The following UBE3A variants were observed in gnomAD, a reference collection of about 807,000 sequenced individuals.
UBE3A encodes the protein ubiquitin protein ligase E3A.
In UBE3A, 6 loss-of-function variants were observed where a neutral mutation model predicts 83.4. The observed-to-expected ratio is 0.07, with a 90% CI of 0.04 to 0.14. The LOEUF (loss-of-function observed/expected upper bound fraction) is 0.14. Ranked by LOEUF, UBE3A falls within the 10% of genes least tolerant of loss-of-function variation. The pLI, the probability that UBE3A is intolerant of heterozygous loss-of-function variation, is 1.00. For synonymous variants in UBE3A, 337 were observed against 355.4 expected, an observed-to-expected ratio of 0.95 and a Z score of 0.58; for missense variants, 456 against 1,036.1, an observed-to-expected ratio of 0.44 and a Z score of 7.69.
intron 6 of UBE3A, among the ~76,000 whole-genome samples, chr15:25,369,236 A>G (rs1420978720): frequency 6.6e-6 from 1 of 152,084 alleles, no homozygotes; most frequent in Non-Finnish European, 1.5e-5. Context: ...CCAGAAAGCA[A>G]GCAATAATAA....
intron 7 of UBE3A, among the ~76,000 whole-genome samples, chr15:25,359,494 A>G (rs557950912): frequency 6.6e-6 from 1 of 150,680 alleles, no homozygotes; most frequent in Non-Finnish European, 1.5e-5. Context: ...GGTCAACTCA[A>G]TTAGAATCAA....
chr15:25,368,388 A>T (rs898082243), intron 6 of UBE3A, among the ~76,000 whole-genome samples: 6 of 151,856 alleles, frequency 4.0e-5, no homozygotes, highest in South Asian at 2.1e-4. Flanking sequence ...TTATTTTTTT[A>T]AAAAAAAGAA....
chr15:25,418,749 C>T (rs1888216786), intron 1 of UBE3A: 1 of 152,146 alleles, frequency 6.6e-6, no homozygotes, highest in Admixed American at 6.5e-5. Flanking sequence ...AGCCATTCCA[C>T]ATGCTCTTAA....
chr15:25,356,201 T>C, intron 8 of UBE3A, 145 bp from the exon 9 acceptor site: 3 of 990,132 alleles, frequency 3.0e-6, no homozygotes, highest in African/African-American at 3.2e-5. Context: ...GTCCCCCAAA[T>C]AGTTTCCAAC....
chr15:25,399,724 G>A lies in UBE3A; in HGVS notation c.62+5737C>T, dbSNP rs539486575. ...GCTAGGACTACAGATACACAGCACC[G>A]CGCCTGGCTTTAAAAATTTTTTTTT... is the stretch of plus-strand genomic sequence containing the variant. On this transcript the variant is annotated intron_variant, in intron 4 of 12. Coordinates refer to ENST00000648336, the MANE Select transcript of UBE3A (RefSeq NM_130839.5). Among the ~76,000 whole-genome samples the A allele has an allele frequency of 6.4e-4, 97 of 150,518 alleles. 1 individual carries two copies. Among genetic ancestry groups the A allele is most frequent in the Middle Eastern group, 6.8e-3 (2 of 294 alleles).
chr15:25,356,608 ACTT>A (rs1351518634), intron 8 of UBE3A, 80 bp downstream of exon 8: 1 of 1,377,100 alleles, frequency 7.3e-7, no homozygotes, highest in East Asian at 2.3e-5. Flanking sequence ...CTAAACAAAA[ACTT>A]TAAAATTTTG....
chr15:25,358,097 G>A (rs1354715567), intron 7 of UBE3A, among the ~76,000 whole-genome samples: 9 of 151,908 alleles, frequency 5.9e-5, no homozygotes, highest in Non-Finnish European at 1.3e-4. Flanking sequence ...GGGGCCCGGT[G>A]TGGTAGTTCA....
At chr15:25,381,438 G>C (rs1196275602) in intron 4 of UBE3A, among the ~76,000 whole-genome samples, 1 of 151,986 alleles carries the variant, frequency 6.6e-6, no homozygotes, top group Non-Finnish European at 1.5e-5. Context: ...AAAGAAACAT[G>C]AACTGTGAGA....
rs368608652 is a variant in UBE3A at position 25,436,758 on chromosome 15, T to C, written c.-165+1731A>G. On this transcript the variant is annotated intron_variant, in intron 1 of 12. Transcript: ENST00000648336. Reference sequence around the variant, plus strand: ...TCTTAGGAAGTTATTTTTTCAGCCATGGGAAAAAAAAGGGCAGAATTTAGG... The same window carrying C: ...TCTTAGGAAGTTATTTTTTCAGCCACGGGAAAAAAAAGGGCAGAATTTAGG... 4.5e-4 allele frequency among the ~76,000 whole-genome samples: 69 copies of C among 152,010 alleles called. 1 individual carries two copies. In the South Asian group the frequency reaches 0.013, roughly 29 times the overall value.
chr15:25,354,794 T>C (rs1287069593), intron 9 of UBE3A, 111 bp from the exon 10 acceptor site: 2 of 1,062,234 alleles, frequency 1.9e-6, no homozygotes, highest in Non-Finnish European at 2.7e-6. Flanking sequence ...CATTCAAGAA[T>C]ATTCTTAAAA....
chr15:25,435,445 C>A (rs1040342621), intron 1 of UBE3A, among the ~76,000 whole-genome samples: 2 of 152,106 alleles, frequency 1.3e-5, no homozygotes, highest in African/African-American at 4.8e-5. Context: ...CTGAATGTGT[C>A]CCCCAAAATT....
At chr15:25,361,918 C>T (rs1281414742) in intron 6 of UBE3A, among the ~76,000 whole-genome samples, 1 of 152,208 alleles carries the variant, frequency 6.6e-6, no homozygotes, top group Non-Finnish European at 1.5e-5. Flanking sequence ...TTTGGACAAT[C>T]TAGTCTGTCT....
intron 1 of UBE3A, among the ~76,000 whole-genome samples, chr15:25,437,892 T>G (rs1487611548): frequency 1.3e-5 from 2 of 151,972 alleles, no homozygotes; most frequent in Non-Finnish European, 2.9e-5. Context: ...CAGGTCTGCA[T>G]ATAACACAGC....
chr15:25,381,830 T>C (rs2082220488), intron 4 of UBE3A, among the ~76,000 whole-genome samples: 6 of 152,244 alleles, frequency 3.9e-5, no homozygotes, highest in Admixed American at 3.9e-4. Context: ...ATATTCAGTA[T>C]GATGTAGGGT....
At chr15:25,382,276 G>C (rs1032541885) in intron 4 of UBE3A, among the ~76,000 whole-genome samples, 3 of 151,480 alleles carry the variant, frequency 2.0e-5, no homozygotes, top group Admixed American at 2.0e-4. Context: ...AGCCGAGACA[G>C]AGCCACTGCA....
intron 1 of UBE3A, chr15:25,419,038 TA>T (rs1372967313): frequency 6.6e-6 from 1 of 152,192 alleles, no homozygotes; most frequent in Non-Finnish European, 1.5e-5. Context: ...TAATGCTATG[TA>T]AACAGTTGTT....
intron 8 of UBE3A, 146 bp downstream of exon 8, chr15:25,356,545 T>C (rs2077238723): frequency 1.3e-6 from 1 of 799,924 alleles, no homozygotes; most frequent in Non-Finnish European, 2.0e-6. Context: ...TTTCTGGTAC[T>C]TCGGTCAGAT....
chr15:25,402,807 T>A (rs1358063430), intron 4 of UBE3A, among the ~76,000 whole-genome samples: 1 of 152,192 alleles, frequency 6.6e-6, no homozygotes, highest in Non-Finnish European at 1.5e-5. Context: ...GTGTGCCACA[T>A]TCAGGTAATC....
At chr15:25,386,115 A>G (rs755077141) in intron 4 of UBE3A, among the ~76,000 whole-genome samples, 47 of 151,972 alleles carry the variant, frequency 3.1e-4, no homozygotes, top group Non-Finnish European at 5.9e-5. Flanking sequence ...CATTATAGCT[A>G]TCTTGTTCTA....
Sources: gnomAD v4.1 joint callset for allele counts (sites outside exome capture counted in the v4.1 genomes callset) on GRCh38, gnomAD v4.1.1 for gene constraint, MANE v1.5 for transcripts, NCBI Gene and HGNC (gene_info 2026-07-23, HGNC 2026-07-21) for gene names.